Variants in LINGO2 observed in about 807,000 individuals in gnomAD.
LINGO2 encodes leucine rich repeat and Ig domain containing 2, also known as leucine-rich repeat and immunoglobulin-like domain-containing nogo receptor-interacting protein 2.
In LINGO2, 14 loss-of-function variants were observed where a neutral mutation model predicts 30.6. That is an observed-to-expected ratio of 0.46 (90% CI 0.30 to 0.72). The LOEUF (loss-of-function observed/expected upper bound fraction) is 0.72. Ranked by LOEUF, LINGO2 falls within the 30% of genes least tolerant of loss-of-function variation. The pLI, the probability that LINGO2 is intolerant of heterozygous loss-of-function variation, is 0.07. For synonymous variants in LINGO2, 317 were observed against 288.5 expected (o/e 1.10, Z -1.00); for missense variants, 729 against 751.7 (o/e 0.97, Z 0.35).
At chr9:29,112,017 C>A in the LINGO2 span, among the ~76,000 whole-genome samples, 16 of 128,278 alleles carry the variant, frequency 1.2e-4, no homozygotes, top group South Asian at 2.6e-4. Context: ...ATCCCTTATA[C>A]ATTGCATATG....
At chr9:28,682,618 G>T in the LINGO2 span, among the ~76,000 whole-genome samples, 1 of 151,966 alleles carries the variant, frequency 6.6e-6, no homozygotes, top group South Asian at 2.1e-4. Context: ...GTAGTCACAA[G>T]TCTATATATT....
chr9:28,048,325 G>C (rs745496587), intron 4 of LINGO2, among the ~76,000 whole-genome samples: 1 of 150,768 alleles, frequency 6.6e-6, no homozygotes, highest in African/African-American at 2.4e-5. Flanking sequence ...TAAATTTTTT[G>C]TATAACAATA....
chr9:29,054,187 A>G, the LINGO2 span, among the ~76,000 whole-genome samples: 1 of 152,190 alleles, frequency 6.6e-6, no homozygotes, highest in Non-Finnish European at 1.5e-5. Context: ...TCTAGAAAAC[A>G]GTAGCAGCCC....
chr9:28,992,643 A>G, the LINGO2 span, among the ~76,000 whole-genome samples: 1 of 152,092 alleles, frequency 6.6e-6, no homozygotes, highest in Non-Finnish European at 1.5e-5. Context: ...ATGTAAAAGA[A>G]CAGAAATTAT....
intron 4 of LINGO2, among the ~76,000 whole-genome samples, chr9:28,023,833 C>T (rs905772699): frequency 6.6e-6 from 1 of 152,094 alleles, no homozygotes; most frequent in East Asian, 1.9e-4. Context: ...TATGGGGCCC[C>T]CTAAGATTAT....
Position 28,405,837 on chromosome 9 carries a change from C to T in LINGO2, c.-278-32969G>A, listed in dbSNP as rs558333278. On this transcript the variant is annotated intron_variant, in intron 2 of 5. Coordinates refer to ENST00000379992, the Ensembl canonical transcript of LINGO2. ...CTTCTCTATGGTTTTTATATGACTC[C>T]GTTTTTCTTCCTTCCTTTTTATTTT... Among the ~76,000 whole-genome samples, 9 of 152,140 alleles carry T rather than the reference C, an allele frequency of 5.9e-5. No homozygotes were observed. In the South Asian group the frequency reaches 6.2e-4, roughly 11 times the overall value.
At chr9:29,076,098 A>C in the LINGO2 span, among the ~76,000 whole-genome samples, 1 of 151,730 alleles carries the variant, frequency 6.6e-6, no homozygotes, top group African/African-American at 2.4e-5. Flanking sequence ...GGATGGTCTC[A>C]AACTCCTGGC....
intron 4 of LINGO2, among the ~76,000 whole-genome samples, chr9:28,203,559 T>C (rs922288945): frequency 2.6e-5 from 4 of 152,172 alleles, no homozygotes; most frequent in Admixed American, 6.5e-5. Context: ...TAAGCATTGC[T>C]TTATTAATTA....
At chr9:28,535,663 G>T (rs976945856) in intron 1 of LINGO2, among the ~76,000 whole-genome samples, 1 of 151,640 alleles carries the variant, frequency 6.6e-6, no homozygotes, top group Admixed American at 6.6e-5. Flanking sequence ...ACATCCATGT[G>T]CACACACACA....
chr9:28,811,840 A>G, the LINGO2 span, among the ~76,000 whole-genome samples: 5 of 152,016 alleles, frequency 3.3e-5, no homozygotes, highest in East Asian at 9.6e-4. Flanking sequence ...TCATTCATTC[A>G]TTCATTCATT....
At chr9:29,151,011 A>G in the LINGO2 span, among the ~76,000 whole-genome samples, 5 of 152,018 alleles carry the variant, frequency 3.3e-5, no homozygotes, top group Non-Finnish European at 5.9e-5. Context: ...GCATCTAGAG[A>G]GATAGGTCAG....
the LINGO2 span, among the ~76,000 whole-genome samples, chr9:29,133,833 C>T: frequency 1.3e-5 from 2 of 151,958 alleles, no homozygotes; most frequent in Non-Finnish European, 2.9e-5. Context: ...TTAGAGGTCA[C>T]GTGTATCAAG....
At chr9:27,972,115 G>A (rs1384564479) in intron 5 of LINGO2, among the ~76,000 whole-genome samples, 9 of 152,080 alleles carry the variant, frequency 5.9e-5, no homozygotes, top group South Asian at 4.1e-4. Context: ...ATTAAAAAAC[G>A]AAAGAGAAAG....
the LINGO2 span, among the ~76,000 whole-genome samples, chr9:29,102,163 G>A: frequency 6.6e-6 from 1 of 151,364 alleles, no homozygotes; most frequent in African/African-American, 2.4e-5. Flanking sequence ...CTCACTACAA[G>A]CTCCGCCTCC....
chr9:28,223,503 C>A (rs184152299), intron 4 of LINGO2, among the ~76,000 whole-genome samples: 2 of 152,304 alleles, frequency 1.3e-5, no homozygotes, highest in East Asian at 3.9e-4. Flanking sequence ...TTTCATCACC[C>A]AAATTTGCAG....
At chr9:28,518,725 G>T (rs981872094) in intron 1 of LINGO2, among the ~76,000 whole-genome samples, 8 of 152,134 alleles carry the variant, frequency 5.3e-5, no homozygotes, top group African/African-American at 1.9e-4. Flanking sequence ...ACTGGACAAA[G>T]TATATAAGTA....
the LINGO2 span, among the ~76,000 whole-genome samples, chr9:28,676,081 C>CT: frequency 1.3e-5 from 2 of 150,698 alleles, no homozygotes; most frequent in South Asian, 4.2e-4. Flanking sequence ...TTCCTCGGAA[C>CT]TTATATTTAT....
At chr9:28,725,144 T>A in the LINGO2 span, among the ~76,000 whole-genome samples, 2 of 151,982 alleles carry the variant, frequency 1.3e-5, no homozygotes, top group Non-Finnish European at 2.9e-5. Context: ...TTTTACTTGC[T>A]CAAGGAAATA....
intron 4 of LINGO2, among the ~76,000 whole-genome samples, chr9:28,245,991 A>C (rs903139392): frequency 1.3e-5 from 2 of 152,182 alleles, no homozygotes; most frequent in African/African-American, 4.8e-5. Context: ...TAGCCAAGAC[A>C]ACCCTAAACA....
Sources: allele counts gnomAD v4.1 joint callset (sites outside exome capture counted in the v4.1 genomes callset), GRCh38; gene constraint gnomAD v4.1.1; transcripts MANE v1.5; gene names NCBI Gene and HGNC (gene_info 2026-07-23, HGNC 2026-07-21).